TRIM14: variants seen among roughly 807,000 people sequenced by gnomAD.
TRIM14 encodes tripartite motif containing 14, also known as tripartite motif-containing protein 14.
TRIM14 carries 28 observed loss-of-function variants against 44.5 expected under a neutral mutation model. The observed-to-expected ratio is 0.63, with a 90% CI of 0.47 to 0.86. The LOEUF (loss-of-function observed/expected upper bound fraction) is 0.86. Among genes scored for constraint, TRIM14 ranks in the 40% least tolerant of loss-of-function variants. The pLI is 0.00. For synonymous variants in TRIM14, 299 were observed against 269.2 expected, an observed-to-expected ratio of 1.11 and a Z score of -1.08; for missense variants, 607 against 611.1, an observed-to-expected ratio of 0.99 and a Z score of 0.07.
At chr9:98,065,285 TA>T (rs2131626704), downstream of TRIM14, among the ~76,000 whole-genome samples, 1 of 149,862 alleles carries the variant, frequency 6.7e-6, no homozygotes, top group East Asian at 1.9e-4. Flanking sequence ...ATTATTCTTT[TA>T]AAGTGTTAGT....
chr9:98,043,748 T>G, the TRIM14 span, among the ~76,000 whole-genome samples: 5 of 151,470 alleles, frequency 3.3e-5, no homozygotes, highest in African/African-American at 1.2e-4. Context: ...AGTTTGGATC[T>G]AAACAGTGGT....
the TRIM14 span, chr9:98,056,685 G>T: frequency 3.0e-5 from 42 of 1,414,516 alleles, no homozygotes; most frequent in Non-Finnish European, 3.9e-5. Context: ...CCCGGCGACC[G>T]CGGGCTGACG....
downstream of TRIM14, chr9:98,083,075 G>C (rs772576356): frequency 2.2e-5 from 36 of 1,609,934 alleles, no homozygotes; most frequent in South Asian, 4.0e-4. Context: ...GCCATTCTCT[G>C]AATTCTCAGT....
At chr9:98,081,371 T>C, downstream of TRIM14, 1 of 419,664 alleles carries the variant, frequency 2.4e-6, no homozygotes, top group Non-Finnish European at 4.3e-6. Flanking sequence ...GCCCCAGTAC[T>C]CCTAGACTCC....
chr9:98,079,505 A>C (rs577624828), downstream of TRIM14, among the ~76,000 whole-genome samples: 1 of 151,966 alleles, frequency 6.6e-6, no homozygotes, highest in East Asian at 1.9e-4. Context: ...AACTGACATT[A>C]CTCTCTTTTT....
downstream of TRIM14, chr9:98,081,212 C>G: frequency 8.1e-7 from 1 of 1,239,658 alleles, no homozygotes. Flanking sequence ...TGTGCTCCCA[C>G]CCGTGTCAGC....
At chr9:98,110,061 C>T in intron 1 of TRIM14, 77 bp from the exon 2 acceptor site, 1 of 1,073,578 alleles carries the variant, frequency 9.3e-7, no homozygotes, top group African/African-American at 1.6e-5. Flanking sequence ...GGGGTCACCT[C>T]CTCTTACCCT....
intron 3 of TRIM14, among the ~76,000 whole-genome samples, chr9:98,096,331 A>G (rs924425149): frequency 3.9e-5 from 6 of 152,242 alleles, no homozygotes; most frequent in African/African-American, 1.4e-4. Context: ...AGAGCGCTGG[A>G]ATGGAGCTGG....
the TRIM14 span, among the ~76,000 whole-genome samples, chr9:98,038,214 C>A: frequency 6.6e-6 from 1 of 151,980 alleles, no homozygotes; most frequent in Admixed American, 6.6e-5. Context: ...CCATGTCCAG[C>A]TAATGTTTTG....
intron 6 of TRIM14, chr9:98,075,754 CTT>C (rs1829563819): frequency 1.3e-5 from 2 of 152,270 alleles, no homozygotes; most frequent in Non-Finnish European, 2.9e-5. Context: ...GTTTATTACT[CTT>C]GTGCTGATGG....
chr9:98,075,915 CTT>C (rs1027901301), intron 6 of TRIM14: 2 of 152,122 alleles, frequency 1.3e-5, no homozygotes, highest in African/African-American at 4.8e-5. Context: ...AGATTTTACT[CTT>C]ATAACTTGTG....
chr9:98,060,224 A>AT, the TRIM14 span, among the ~76,000 whole-genome samples: 278 of 151,542 alleles, frequency 1.8e-3, 1 homozygote, highest in African/African-American at 6.0e-3. Flanking sequence ...AAAAAGTCCC[A>AT]TTTTTTTTTC....
intron 5 of TRIM14, among the ~76,000 whole-genome samples, chr9:98,090,853 C>T (rs1479606429): frequency 6.6e-6 from 1 of 152,146 alleles, no homozygotes; most frequent in Non-Finnish European, 1.5e-5. Flanking sequence ...TGTGAGCCAC[C>T]GTGCTCGGCC....
intron 5 of TRIM14, 23 bp from the exon 6 acceptor site, chr9:98,088,028 C>T (rs1441137696): frequency 5.4e-6 from 8 of 1,477,610 alleles, no homozygotes; most frequent in Non-Finnish European, 7.1e-6. Context: ...AGACAAGGGA[C>T]GCACCTGGTG....
downstream of TRIM14, among the ~76,000 whole-genome samples, chr9:98,079,977 G>A (rs1242145899): frequency 6.6e-6 from 1 of 152,212 alleles, no homozygotes; most frequent in Non-Finnish European, 1.5e-5. Context: ...ACTTTGGGAG[G>A]CTGAGGCAGG....
At chr9:98,061,485 A>AG in the TRIM14 span, among the ~76,000 whole-genome samples, 1 of 148,804 alleles carries the variant, frequency 6.7e-6, no homozygotes, top group East Asian at 2.0e-4. Context: ...TCAAATTAAA[A>AG]AAAAAAAAAA....
intron 3 of TRIM14, among the ~76,000 whole-genome samples, chr9:98,099,278 C>T (rs1331377672): frequency 2.0e-5 from 3 of 151,932 alleles, no homozygotes; most frequent in Non-Finnish European, 4.4e-5. Flanking sequence ...CGTGGAGAAA[C>T]CCTGTCTCTA....
At chr9:98,103,836 CAAAA>C (rs60368742) in intron 2 of TRIM14, among the ~76,000 whole-genome samples, 4 of 74,570 alleles carry the variant, frequency 5.4e-5, no homozygotes, top group Admixed American at 1.6e-4. Flanking sequence ...GACTCCGTCT[CAAAA>C]AAAAAAAAAA....
rs1001414683 is a variant in TRIM14, at chr9:98,095,425, A to G, written c.538-396T>C. On this transcript the variant is annotated intron_variant, in intron 3 of 5. Transcript: ENST00000341469. The surrounding 1 kb of genome is among the most constrained non-coding windows in gnomAD (Gnocchi z 4.1). The stretch of plus-strand genomic sequence containing the variant: ...TGCGCCACGGGTCTGCCTTGGGTAC[A>G]AAAAGGGTGAGAGGTCAGTCTCCCT... 6.6e-6 allele frequency among the ~76,000 whole-genome samples: 1 copy of G among 152,212 alleles called. No individual in the cohort carries two copies. Among genetic ancestry groups the G allele is most frequent in the South Asian group, 2.1e-4 (1 of 4,838 alleles).
Sources: gnomAD v4.1 joint callset for allele counts (sites outside exome capture counted in the v4.1 genomes callset) on GRCh38, gnomAD v4.1.1 for gene constraint, Gnocchi (gnomAD v3.1) non-coding constraint, MANE v1.5 for transcripts, NCBI Gene and HGNC (gene_info 2026-07-23, HGNC 2026-07-21) for gene names.